The following NLRP9 variants were observed in gnomAD, a reference collection of about 807,000 sequenced individuals.
NLRP9 encodes NLR family pyrin domain containing 9, also known as NACHT, LRR and PYD domains-containing protein 9.
A neutral mutation model predicts 83.1 loss-of-function variants in NLRP9; 88 were observed. The observed-to-expected ratio is 1.06, with a 90% CI of 0.89 to 1.26. The LOEUF (loss-of-function observed/expected upper bound fraction) is 1.26, where lower values mean the gene tolerates loss of function less well. Among genes scored for constraint, NLRP9 ranks in the 50% most tolerant of loss-of-function variants. NLRP9 has a pLI of 0.00. For missense variants in NLRP9, 1,308 were observed against 1,179.3 expected, an observed-to-expected ratio of 1.11 and a Z score of -1.60; for synonymous variants, 521 against 447.6, an observed-to-expected ratio of 1.16 and a Z score of -2.07.
At chr19:55,716,965 G>C in intron 4 of NLRP9, 67 bp from the exon 5 acceptor site, 1 of 1,226,990 alleles carries the variant, frequency 8.2e-7, no homozygotes. Context: ...ATTATCCACA[G>C]ACCAAACGAC....
intron 2 of NLRP9, among the ~76,000 whole-genome samples, chr19:55,731,414 CGGAGGGAG>C (rs912977592): frequency 6.7e-6 from 1 of 150,158 alleles, no homozygotes; most frequent in Admixed American, 6.6e-5. Context: ...GAGGAAGGAA[CGGAGGGAG>C]GGAGGGAGGA....
At chr19:55,722,000 C>G (rs916635056) in intron 4 of NLRP9, among the ~76,000 whole-genome samples, 1 of 152,154 alleles carries the variant, frequency 6.6e-6, no homozygotes, top group Non-Finnish European at 1.5e-5. Flanking sequence ...CGGACTGATA[C>G]ACTTGGTCTC....
At position 55,723,971 on chromosome 19, in the gene NLRP9, C is replaced by A. The variant is rs762767419; in HGVS notation, c.2159+9G>T. 6.2e-7 allele frequency: 1 copy of A among 1,607,298 alleles called. No homozygotes were observed. Among genetic ancestry groups the A allele is most frequent in the Admixed American group, 1.7e-5 (1 of 58,554 alleles). ...GAAACAGCACTCGGCATGAACAGCC[C>A]GGACTTACATCAGCTCTTCTATCTT... On this transcript the variant is annotated intron_variant, in intron 4 of 8. Transcript: ENST00000332836.
In NLRP9 at chr19:55,711,829, G is replaced by A. The variant is rs1463349343; in HGVS notation, c.2814C>T (p.Ser938=). The A allele has an allele frequency of 6.2e-7, 1 of 1,613,326 alleles. No individual in the cohort carries two copies. The highest frequency in any genetic ancestry group is 8.5e-7 in the Non-Finnish European group (1 of 1,179,934). ...DAVVVLCEAL[S]HPDCALQMLG... is the part of the protein sequence containing the mutation. ...GCATCTGCAGGGCACAGTCCGGGTG[G>A]CTCAATGCCTCACACAGCACCACCA... is the stretch of plus-strand genomic sequence containing the variant. The change falls in exon 8 of 9, where the codon AGC becomes AGT. Residue 938 remains serine, a synonymous_variant. Coordinates refer to ENST00000332836, the MANE Select transcript of NLRP9 (RefSeq NM_176820.4).
In NLRP9 at chr19:55,712,602, G is replaced by A; in HGVS notation, c.2502-12C>T. The stretch of plus-strand genomic sequence containing the variant: ...AACAGCCCATCAACCTGGGGAGGTG[G>A]AAGACACACAAATACGTACACTTAT... On this transcript the variant is annotated splice_polypyrimidine_tract_variant and intron_variant, in intron 6 of 8. Transcript: ENST00000332836. The A allele has an allele frequency of 1.9e-6, 3 of 1,610,700 alleles. No individual in the cohort carries two copies. The highest frequency in any genetic ancestry group is 1.3e-5 in the African/African-American group (1 of 74,698).
At chr19:55,728,944 G>A (rs1988480106) in intron 3 of NLRP9, among the ~76,000 whole-genome samples, 1 of 149,812 alleles carries the variant, frequency 6.7e-6, no homozygotes, top group Admixed American at 6.7e-5. Flanking sequence ...TTGTATAAAA[G>A]TAATAATAAA....
chr19:55,709,119 C>T, intron 8 of NLRP9, 75 bp from the exon 9 acceptor site: 1 of 1,007,262 alleles, frequency 9.9e-7, no homozygotes, highest in East Asian at 2.8e-5. Context: ...ATTCTGATGT[C>T]TACCTCTCCT....
intron 4 of NLRP9, among the ~76,000 whole-genome samples, chr19:55,717,776 T>C (rs1195437287): frequency 6.6e-6 from 1 of 152,032 alleles, no homozygotes; most frequent in African/African-American, 2.4e-5. Context: ...AGACACAGAG[T>C]TGATCGATTA....
At chr19:55,723,636 G>T (rs1332851217) in intron 4 of NLRP9, among the ~76,000 whole-genome samples, 3 of 150,992 alleles carry the variant, frequency 2.0e-5, no homozygotes, top group Non-Finnish European at 2.9e-5. Context: ...GCTGAGGTGG[G>T]AGGATTGCTT....
Position 55,733,054 on chromosome 19 carries a change from A to G in NLRP9, c.777T>C (p.Ser259=), listed in dbSNP as rs910452774. 4.3e-6 allele frequency: 7 copies of G among 1,613,020 alleles called. No individual in the cohort carries two copies. The African/African-American group carries it at 8.0e-5, about 18-fold the overall frequency. ...QRQPMPIILS[S]LLQKKMLPES... is the part of the protein sequence containing the mutation. ...CTGGAAGCATCTTTTTTTGCAACAA[A>G]CTGCTCAGGATAATTGGCATTGGCT... Residue 259 remains serine (S), a synonymous_variant, in exon 2 of 9, where the codon AGT becomes AGC. Coordinates refer to ENST00000332836, the MANE Select transcript of NLRP9 (RefSeq NM_176820.4).
Position 55,729,843 on chromosome 19 carries a change from A to G in NLRP9, c.1982T>C (p.Leu661Pro). 1 of 1,611,732 alleles carries G rather than the reference A, an allele frequency of 6.2e-7. No individual in the cohort carries two copies. The highest frequency in any genetic ancestry group is 8.5e-7 in the Non-Finnish European group (1 of 1,179,146). ...ACATAAAACTTACATGAGTTTTCGG[A>G]GTTTACAAACAGGCTGAGCCAGCGC... is the stretch of plus-strand genomic sequence containing the variant. Reference protein sequence around the residue: ...CKALAQPVCKLRKLIFTSVYF... With the variant: ...CKALAQPVCKPRKLIFTSVYF... Residue 661 changes from leucine to proline, a missense_variant, in exon 3 of 9, where the codon CTC becomes CCC. Physicochemically the swap from Leu to Pro is moderately conservative, Grantham distance 98 (BLOSUM62 -3). Transcript: ENST00000332836.
In NLRP9 at chr19:55,732,435, G is replaced by A; in HGVS notation, c.1396C>T (p.Pro466Ser). ...GTTATGCTTCCAATGGCCGGGTTAG[G>A]ATCGTCTTTGGGTCGTTTGAGCAAA... ...FYLLKRPKDD[P>S]NPAIGSITQL... Residue 466 changes from proline to serine, a missense_variant, in exon 2 of 9, where the codon CCT (proline) becomes TCT (serine). Transcript: ENST00000332836. 2 of 1,614,216 alleles carry A rather than the reference G, an allele frequency of 1.2e-6. No homozygotes were observed. Among genetic ancestry groups the A allele is most frequent in the South Asian group, 1.1e-5 (1 of 91,084 alleles).
chr19:55,714,376 C>G (rs977414885), intron 6 of NLRP9, among the ~76,000 whole-genome samples: 1 of 151,548 alleles, frequency 6.6e-6, no homozygotes. Context: ...CTGGCCATCT[C>G]GATTCTTTAA....
rs557591892 is a variant in NLRP9, at chr19:55,708,840, G to T, written c.*72C>A. On this transcript the variant is annotated 3_prime_UTR_variant, in exon 9 of 9. Transcript: ENST00000332836. Reference sequence around the variant, plus strand: ...TGCCATGATGTGCAATTACAGGATAGAGGTGCCAGGTGAAGGTCCCACTGT... The same window carrying T: ...TGCCATGATGTGCAATTACAGGATATAGGTGCCAGGTGAAGGTCCCACTGT... The T allele has an allele frequency of 2.9e-4, 311 of 1,060,406 alleles. No individual in the cohort carries two copies. The highest frequency in any genetic ancestry group is 4.1e-4 in the Non-Finnish European group (303 of 748,040). The allele number at this position is 1,060,406 out of a possible 1,614,324, so 65.7% of individuals were successfully genotyped here.
intron 6 of NLRP9, among the ~76,000 whole-genome samples, chr19:55,714,828 TC>T (rs1268586094): frequency 1.3e-5 from 2 of 152,236 alleles, no homozygotes; most frequent in East Asian, 3.9e-4. Flanking sequence ...CAGAAGAGTC[TC>T]TGGGGCCTCT....
rs1456019155 is a variant in NLRP9 at position 55,732,054 on chromosome 19, T to C, written c.1777A>G (p.Thr593Ala). Residue 593 changes from threonine (T) to alanine (A), a missense_variant, in exon 2 of 9, where the codon ACA (threonine) becomes GCA (alanine). Transcript: ENST00000332836. The part of the protein sequence containing the change: ...FCLKHCQHLT[T>A]LRMCVENIFP... ...ATATTCTCCACACACATGCGAAGTG[T>C]CGTTAAATGTTGACAATGCTTCAGG... 3 of 1,603,718 alleles carry C rather than the reference T, an allele frequency of 1.9e-6. No homozygotes were observed. The highest frequency in any genetic ancestry group is 2.5e-6 in the Non-Finnish European group (3 of 1,176,514).
chr19:55,727,870 G>T (rs1266738827), intron 3 of NLRP9, among the ~76,000 whole-genome samples: 1 of 152,138 alleles, frequency 6.6e-6, no homozygotes, highest in African/African-American at 2.4e-5. Context: ...AGGAGACCTT[G>T]TACGACTTGC....
In NLRP9 at chr19:55,737,734, T is replaced by TAAAA. The variant is rs57736610; in HGVS notation, c.280+357_280+360dup. On this transcript the variant is annotated intron_variant, in intron 1 of 8. Coordinates refer to ENST00000332836, the MANE Select transcript of NLRP9 (RefSeq NM_176820.4). ...GAGCAACATGGCAAGACCCTTTCTC[T>TAAAA]AAAAAAAAAAAAAAAAAAAAAAAAA... 20 of 80,250 alleles carry TAAAA rather than the reference T, an allele frequency of 2.5e-4. 1 individual carries two copies. The highest frequency in any genetic ancestry group is 6.9e-4 in the African/African-American group (14 of 20,354). 5.0% of individuals were successfully genotyped at this position (80,250 alleles called of 1,614,324 possible).
chr19:55,720,373 A>G lies in NLRP9; in HGVS notation c.2160-3475T>C, dbSNP rs1988187023. ...GGTCTCACCCTGTCACTCAGGTTAC[A>G]GTGCAGTGACGTGATGACAGCTCAC... On this transcript the variant is annotated intron_variant, in intron 4 of 8. Coordinates refer to ENST00000332836, the MANE Select transcript of NLRP9 (RefSeq NM_176820.4). Among the ~76,000 whole-genome samples, 5 of 152,322 alleles carry G rather than the reference A, an allele frequency of 3.3e-5. No homozygotes were observed. In the South Asian group the frequency reaches 1.0e-3, roughly 32 times the overall value.
Sources: allele counts gnomAD v4.1 joint callset (sites outside exome capture counted in the v4.1 genomes callset), GRCh38; gene constraint gnomAD v4.1.1; transcripts MANE v1.5; gene names NCBI Gene and HGNC (gene_info 2026-07-23, HGNC 2026-07-21).